The following PTK2B variants were observed in gnomAD, a reference collection of about 807,000 sequenced individuals.
The protein encoded by PTK2B is protein-tyrosine kinase 2-beta.
In PTK2B, 71 loss-of-function variants were observed where a neutral mutation model predicts 142.9. That is an observed-to-expected ratio of 0.50 (90% CI 0.41 to 0.61). The LOEUF is 0.61. Among genes scored for constraint, PTK2B ranks in the 20% least tolerant of loss-of-function variants. The probability of loss-of-function intolerance (pLI) is 0.00; values close to 1 mark genes in which losing one functional copy is unlikely to be tolerated. For synonymous variants in PTK2B, 519 were observed against 503.4 expected, an observed-to-expected ratio of 1.03 and a Z score of -0.42; for missense variants, 1,105 against 1,320.4, an observed-to-expected ratio of 0.84 and a Z score of 2.53.
At chr8:27,423,456 T>C (rs1010931828) in intron 5 of PTK2B, among the ~76,000 whole-genome samples, 6 of 152,104 alleles carry the variant, frequency 3.9e-5, no homozygotes, top group African/African-American at 7.2e-5. Context: ...GAGATTTGAT[T>C]TGGCAGGCCT....
upstream of PTK2B, among the ~76,000 whole-genome samples, chr8:27,321,933 G>A (rs543842667): frequency 2.0e-4 from 31 of 152,162 alleles, no homozygotes; most frequent in African/African-American, 7.2e-4. Context: ...TAAATTAGAG[G>A]TAGACATCCC....
intron 1 of PTK2B, among the ~76,000 whole-genome samples, chr8:27,387,722 A>G (rs1463091342): frequency 6.6e-6 from 1 of 152,160 alleles, no homozygotes; most frequent in African/African-American, 2.4e-5. Flanking sequence ...CAGCCACATC[A>G]TAGTGACTAA....
intron 2 of PTK2B, among the ~76,000 whole-genome samples, chr8:27,414,235 C>T (rs1456595373): frequency 1.4e-5 from 2 of 137,996 alleles, no homozygotes; most frequent in East Asian, 2.0e-4. Flanking sequence ...CAATCACTAT[C>T]GGCTGTCACT....
intron 2 of PTK2B, among the ~76,000 whole-genome samples, chr8:27,400,411 C>A (rs1209484511): frequency 6.6e-6 from 1 of 150,798 alleles, no homozygotes. Flanking sequence ...GAACTTTTTC[C>A]CCTAAACTCT....
chr8:27,328,323 C>T (rs750510723), intron 1 of PTK2B, among the ~76,000 whole-genome samples: 2 of 152,052 alleles, frequency 1.3e-5, no homozygotes, highest in African/African-American at 4.8e-5. Context: ...AGAAAAGTAG[C>T]GCTAAGAGAT....
chr8:27,326,487 C>CCAAGT (rs1803427431), intron 1 of PTK2B, among the ~76,000 whole-genome samples: 1 of 152,190 alleles, frequency 6.6e-6, no homozygotes. Context: ...GGAGCAAAAT[C>CCAAGT]CAAGTCCGCT....
intron 2 of PTK2B, among the ~76,000 whole-genome samples, chr8:27,418,973 A>G (rs1271513462): frequency 6.6e-6 from 1 of 152,132 alleles, no homozygotes; most frequent in African/African-American, 2.4e-5. Flanking sequence ...GGTTGCAGTG[A>G]GCCGAGATCA....
At chr8:27,348,196 AGTCT>A (rs1484585847) in intron 1 of PTK2B, among the ~76,000 whole-genome samples, 1 of 152,248 alleles carries the variant, frequency 6.6e-6, no homozygotes, top group African/African-American at 2.4e-5. Context: ...GGATGCCTGA[AGTCT>A]GTCCACTCTG....
chr8:27,454,677 A>G (rs1812039742), intron 30 of PTK2B, 66 bp downstream of exon 30: 2 of 1,547,972 alleles, frequency 1.3e-6, no homozygotes, highest in Admixed American at 3.4e-5. Context: ...GCCTCATTAG[A>G]GGCTCATGAT....
intron 1 of PTK2B, among the ~76,000 whole-genome samples, chr8:27,367,991 A>AG (rs968915747): frequency 2.0e-5 from 3 of 152,244 alleles, no homozygotes; most frequent in Non-Finnish European, 2.9e-5. Context: ...CACAAGAGCC[A>AG]GGGGACAAAG....
At chr8:27,394,897 AC>A (rs762999778) in intron 1 of PTK2B, among the ~76,000 whole-genome samples, 6 of 152,022 alleles carry the variant, frequency 3.9e-5, no homozygotes, top group Non-Finnish European at 1.5e-5. Context: ...CATTAGCATA[AC>A]CCTACACAAG....
chr8:27,409,562 GA>G (rs971166178), intron 2 of PTK2B, among the ~76,000 whole-genome samples: 1 of 152,030 alleles, frequency 6.6e-6, no homozygotes, highest in Admixed American at 6.5e-5. Flanking sequence ...GAACATGTGG[GA>G]AAAAAACCCA....
At chr8:27,335,789 G>A (rs1238430569) in intron 1 of PTK2B, among the ~76,000 whole-genome samples, 1 of 152,162 alleles carries the variant, frequency 6.6e-6, no homozygotes, top group Non-Finnish European at 1.5e-5. Flanking sequence ...CCCTGGGTAA[G>A]CCTGTTCAAG....
intron 24 of PTK2B, among the ~76,000 whole-genome samples, chr8:27,447,938 G>A (rs369353422): frequency 1.4e-4 from 21 of 152,224 alleles, no homozygotes; most frequent in East Asian, 5.8e-4. Flanking sequence ...CGCTGTCCTC[G>A]GTGCTGAAGG....
In PTK2B at chr8:27,380,768, C is replaced by T. The variant is rs142340056; in HGVS notation, c.-37-16780C>T. ...AGCCTGGGAACTGGGAGACCTGGGT[C>T]CCAGTGGAGAGGCCTCACCATGTAG... On this transcript the variant is annotated intron_variant, in intron 1 of 30. Transcript: ENST00000346049. 4.6e-5 allele frequency: 7 copies of T among 152,320 alleles called. No homozygotes were observed. The East Asian group carries it at 1.4e-3, about 29-fold the overall frequency. 9.4% of individuals were successfully genotyped at this position (152,320 alleles called of 1,614,324 possible). A position where few individuals can be genotyped will look rare whatever the true frequency, so the allele number is the denominator to read the frequency against.
At chr8:27,360,070 A>G (rs1586157597) in intron 1 of PTK2B, among the ~76,000 whole-genome samples, 1 of 152,300 alleles carries the variant, frequency 6.6e-6, no homozygotes, top group South Asian at 2.1e-4. Context: ...TGTCTTTGTT[A>G]TGGTTTATTC....
chr8:27,311,520 C>T, exon 1 of PTK2B: 1 of 489,092 alleles, frequency 2.0e-6, no homozygotes, highest in African/African-American at 2.0e-5. Flanking sequence ...GGTCCCTGGC[C>T]GGGGTAGCAC....
At chr8:27,385,785 C>T (rs892318410) in intron 1 of PTK2B, among the ~76,000 whole-genome samples, 3 of 148,298 alleles carry the variant, frequency 2.0e-5, no homozygotes, top group African/African-American at 5.0e-5. Context: ...CCCAGCTACT[C>T]GGGAGGCTGA....
intron 1 of PTK2B, among the ~76,000 whole-genome samples, chr8:27,368,544 A>C (rs1806153911): frequency 6.6e-6 from 1 of 152,236 alleles, no homozygotes; most frequent in Admixed American, 6.5e-5. Context: ...CTATTGCAAT[A>C]AACTGGAAAC....
Sources: gnomAD v4.1 joint callset for allele counts (sites outside exome capture counted in the v4.1 genomes callset) on GRCh38, gnomAD v4.1.1 for gene constraint, MANE v1.5 for transcripts, NCBI Gene and HGNC (gene_info 2026-07-23, HGNC 2026-07-21) for gene names.